The following MAP4 variants were observed in gnomAD, a reference collection of about 807,000 sequenced individuals.
The protein encoded by MAP4 is microtubule-associated protein 4.
MAP4 carries 76 observed loss-of-function variants against 170.2 expected under a neutral mutation model. That is an observed-to-expected ratio of 0.45 (90% CI 0.37 to 0.54). The LOEUF (loss-of-function observed/expected upper bound fraction) is 0.54, where lower values mean the gene tolerates loss of function less well. Among genes scored for constraint, MAP4 ranks in the 20% least tolerant of loss-of-function variants. The pLI is 0.00. For synonymous variants in MAP4, 909 were observed against 994.5 expected, an observed-to-expected ratio of 0.91 and a Z score of 1.62; for missense variants, 2,506 against 2,748.0, an observed-to-expected ratio of 0.91 and a Z score of 1.97.
At chr3:47,923,375 T>C (rs2100044074) in intron 4 of MAP4, among the ~76,000 whole-genome samples, 1 of 150,762 alleles carries the variant, frequency 6.6e-6, no homozygotes, top group African/African-American at 2.4e-5. Flanking sequence ...TCGGGAAGTG[T>C]GAACAAGCAG....
In MAP4 at chr3:47,855,494, A is replaced by G; in HGVS notation, c.6584-134T>C. 1 of 663,436 alleles carries G rather than the reference A, an allele frequency of 1.5e-6. No homozygotes were observed. Among genetic ancestry groups the G allele is most frequent in the Non-Finnish European group, 2.8e-6 (1 of 359,976 alleles). 41.1% of individuals were successfully genotyped at this position (663,436 alleles called of 1,614,324 possible). On this transcript the variant is annotated intron_variant, in intron 18 of 20. Coordinates refer to ENST00000683076, the MANE Select transcript of MAP4 (RefSeq NM_001385682.1). This position sits in a 1 kb window ranked among gnomAD's most constrained non-coding sequence, Gnocchi z 5.1. ...TCTGGGTGGCAAATGAAGAACAGTG[A>G]ACACGTTTGTCTAAAGAGGACTTCT...
At chr3:48,039,653 A>G (rs1421709616) in intron 1 of MAP4, among the ~76,000 whole-genome samples, 1 of 152,252 alleles carries the variant, frequency 6.6e-6, no homozygotes, top group Non-Finnish European at 1.5e-5. Flanking sequence ...AAATCTGGGT[A>G]GGAGTCCAGA....
chr3:48,048,582 G>A (rs1300402984), intron 1 of MAP4, among the ~76,000 whole-genome samples: 8 of 128,260 alleles, frequency 6.2e-5, no homozygotes, highest in South Asian at 5.2e-4. Context: ...CAGTGGCAGC[G>A]CCAAGGCTCA....
At chr3:47,943,564 CCGT>C (rs769332867) in intron 3 of MAP4, among the ~76,000 whole-genome samples, 5 of 149,316 alleles carry the variant, frequency 3.3e-5, no homozygotes, top group Admixed American at 6.6e-5. Context: ...AGCCCAGATC[CCGT>C]ACTGCATTCC....
intron 3 of MAP4, among the ~76,000 whole-genome samples, chr3:47,947,272 C>A (rs576763793): frequency 1.3e-5 from 2 of 152,264 alleles, no homozygotes; most frequent in African/African-American, 4.8e-5. Flanking sequence ...GTCAGTGGGT[C>A]CTTGGAGGGG....
Position 47,910,085 on chromosome 3 carries a change from G to A in MAP4, c.4336C>T (p.Pro1446Ser). The change falls in exon 9 of 21, where the codon CCT becomes TCT. Residue 1446 changes from proline to serine, a missense_variant. Transcript: ENST00000683076. Reference sequence around the variant, plus strand: ...CCTTCCTTTACTACTTGAGGAGTAGGAGTGGGCAGTTTTTCACAGGCTGCT... The same window carrying A: ...CCTTCCTTTACTACTTGAGGAGTAGAAGTGGGCAGTTTTTCACAGGCTGCT... ...ESAACEKLPT[P>S]TPQVVKEGDS... The A allele has an allele frequency of 1.2e-6, 2 of 1,613,990 alleles. No individual in the cohort carries two copies. The highest frequency in any genetic ancestry group is 2.2e-5 in the East Asian group (1 of 44,880).
intron 1 of MAP4, among the ~76,000 whole-genome samples, chr3:48,023,405 A>G (rs1438125421): frequency 1.3e-5 from 2 of 152,220 alleles, no homozygotes; most frequent in African/African-American, 4.8e-5. Flanking sequence ...GTATCAAGAA[A>G]GAACAAAAAA....
At position 48,012,969 on chromosome 3, in the gene MAP4, TTG is replaced by T. The variant is rs747876031; in HGVS notation, c.-20+3363_-20+3364del. ...TGTCATCTTTCAAGTTAAAGTACTG[TTG>T]TTTTTTTTTTCCCAGAAATCCCCAG... is the stretch of plus-strand genomic sequence containing the variant. On this transcript the variant is annotated intron_variant, in intron 1 of 20. Coordinates refer to ENST00000683076, the MANE Select transcript of MAP4 (RefSeq NM_001385682.1). 1.9e-3 allele frequency among the ~76,000 whole-genome samples: 54 copies of T among 27,854 alleles called. No individual in the cohort carries two copies. In the East Asian group the frequency reaches 0.032, roughly 16 times the overall value. 18.3% of individuals were successfully genotyped at this position (27,854 alleles called of 152,430 possible).
chr3:47,966,633 G>A (rs890285569), intron 3 of MAP4, among the ~76,000 whole-genome samples: 10 of 152,056 alleles, frequency 6.6e-5, no homozygotes, highest in Admixed American at 1.3e-4. Context: ...CTCTCACTTG[G>A]CCTCCCAAAG....
intron 9 of MAP4, among the ~76,000 whole-genome samples, chr3:47,904,782 G>A (rs2100031999): frequency 6.6e-6 from 1 of 151,490 alleles, no homozygotes; most frequent in African/African-American, 2.4e-5. Flanking sequence ...CGATTCTCCT[G>A]CCTCAGTCTC....
At chr3:48,007,921 T>C (rs2100103270) in intron 1 of MAP4, among the ~76,000 whole-genome samples, 1 of 152,146 alleles carries the variant, frequency 6.6e-6, no homozygotes, top group Non-Finnish European at 1.5e-5. Flanking sequence ...TCCGCCCACC[T>C]CAGCCTCCCA....
intron 1 of MAP4, among the ~76,000 whole-genome samples, chr3:48,066,671 T>C (rs1261450020): frequency 6.6e-6 from 1 of 151,802 alleles, no homozygotes; most frequent in Non-Finnish European, 1.5e-5. Flanking sequence ...CATGCAGAGG[T>C]ACATCATTTT....
chr3:47,877,344 C>T (rs776326414), intron 11 of MAP4, 73 bp downstream of exon 11: 14 of 1,130,864 alleles, frequency 1.2e-5, no homozygotes, highest in Middle Eastern at 3.9e-4. Flanking sequence ...ATTCGTGATT[C>T]AAGCAATAAC....
At chr3:47,875,081 C>T (rs1331248599) in intron 12 of MAP4, among the ~76,000 whole-genome samples, 1 of 152,194 alleles carries the variant, frequency 6.6e-6, no homozygotes, top group Non-Finnish European at 1.5e-5. Context: ...TGGATGACTT[C>T]AGAAGTAGCT....
chr3:47,911,643 T>G lies in MAP4; in HGVS notation c.2778A>C (p.Gly926=), dbSNP rs1559426217. Residue 926 remains glycine, a synonymous_variant, in exon 9 of 21, where the codon GGA becomes GGC. Transcript: ENST00000683076. The surrounding 1 kb of genome is among the most constrained non-coding windows in gnomAD (Gnocchi z 4.0). ...SQSVGPLNLK[G]PLAEVSAYNV... ...TGTATGCAGAAACTTCTGCTAGGGG[T>G]CCTTTCAGATTGAGAGGGCCTACTG... is the stretch of plus-strand genomic sequence containing the variant. 2.6e-6 allele frequency: 4 copies of G among 1,535,936 alleles called. No homozygotes were observed. Among genetic ancestry groups the G allele is most frequent in the Non-Finnish European group, 3.5e-6 (4 of 1,146,788 alleles).
rs1351093369 is a variant in MAP4, at chr3:47,952,671, A to T, written c.293-24321T>A. 5.3e-5 allele frequency among the ~76,000 whole-genome samples: 8 copies of T among 151,274 alleles called. No homozygotes were observed. In the East Asian group the frequency reaches 1.6e-3, roughly 30 times the overall value. On this transcript the variant is annotated intron_variant, in intron 3 of 20. Transcript: ENST00000683076. ...AAATAAATAAATTAAAAAAAAAATA[A>T]AAATAAAAATAAAAATAAAAAATTG...
chr3:47,942,786 G>A (rs1356458873), intron 3 of MAP4, among the ~76,000 whole-genome samples: 1 of 152,138 alleles, frequency 6.6e-6, no homozygotes, highest in Non-Finnish European at 1.5e-5. Flanking sequence ...AATGTATAAA[G>A]TTCTTTCAAC....
intron 10 of MAP4, among the ~76,000 whole-genome samples, chr3:47,879,732 G>T (rs1037119025): frequency 1.3e-5 from 2 of 151,990 alleles, no homozygotes; most frequent in Non-Finnish European, 2.9e-5. Context: ...ACCTGGCCTG[G>T]AGTGGCTGGT....
rs370056160 is a variant in MAP4 at position 47,916,457 on chromosome 3, T to C, written c.1370A>G (p.Asn457Ser). The change falls in exon 7 of 21, where the codon AAC (asparagine) becomes AGC (serine). Residue 457 changes from asparagine (N) to serine (S), a missense_variant. Asn to Ser is a conservative substitution (Grantham distance 46). Coordinates refer to ENST00000683076, the MANE Select transcript of MAP4 (RefSeq NM_001385682.1). ...TGCTTTATCCTTGGTCAAGATCACG[T>C]TGGTTTCCGGGGGCAGTGTCATGTC... ...ARDMTLPPETNVILTKDKALP... is the reference protein window; with the variant it reads ...ARDMTLPPETSVILTKDKALP... The C allele has an allele frequency of 7.4e-6, 12 of 1,614,066 alleles. No individual in the cohort carries two copies. The highest frequency in any genetic ancestry group is 6.6e-5 in the South Asian group (6 of 91,088).
Sources: allele counts gnomAD v4.1 joint callset (sites outside exome capture counted in the v4.1 genomes callset), GRCh38; gene constraint gnomAD v4.1.1; non-coding constraint Gnocchi (gnomAD v3.1); transcripts MANE v1.5; gene names NCBI Gene and HGNC (gene_info 2026-07-23, HGNC 2026-07-21).